MYO1B: variants seen among roughly 807,000 people sequenced by gnomAD.
The protein encoded by MYO1B is myosin IB.
A neutral mutation model predicts 159.7 loss-of-function variants in MYO1B; 72 were observed. The observed-to-expected ratio is 0.45, with a 90% CI of 0.37 to 0.55. The LOEUF (loss-of-function observed/expected upper bound fraction) is 0.55, where lower values mean the gene tolerates loss of function less well. MYO1B is among the 20% of genes least tolerant of loss of function. The probability of loss-of-function intolerance (pLI) is 0.00; values close to 1 mark genes in which losing one functional copy is unlikely to be tolerated. For synonymous variants in MYO1B, 468 were observed against 473.8 expected (o/e 0.99, Z 0.16); for missense variants, 1,062 against 1,364.8 (o/e 0.78, Z 3.50).
intron 30 of MYO1B, among the ~76,000 whole-genome samples, chr2:191,419,515 G>A (rs1485350330): frequency 1.3e-5 from 2 of 152,334 alleles, no homozygotes; most frequent in African/African-American, 4.8e-5. Flanking sequence ...ACCACGCCCG[G>A]CCTATACTGT....
chr2:191,267,230 T>C (rs1687197893), intron 1 of MYO1B, among the ~76,000 whole-genome samples: 1 of 152,228 alleles, frequency 6.6e-6, no homozygotes, highest in Non-Finnish European at 1.5e-5. Flanking sequence ...TTTATCCATT[T>C]GTTTGTTTTC....
chr2:191,260,478 A>G (rs1686745584), intron 1 of MYO1B, among the ~76,000 whole-genome samples: 2 of 151,772 alleles, frequency 1.3e-5, no homozygotes, highest in Admixed American at 6.6e-5. Flanking sequence ...TTAGTAGTCT[A>G]TTGAAATATA....
At chr2:191,302,672 A>C (rs577879640) in intron 3 of MYO1B, among the ~76,000 whole-genome samples, 1 of 152,248 alleles carries the variant, frequency 6.6e-6, no homozygotes, top group Admixed American at 6.5e-5. Context: ...GAGTGAGCTG[A>C]GATGTGTCCT....
intron 1 of MYO1B, among the ~76,000 whole-genome samples, chr2:191,257,614 C>G (rs1309126463): frequency 1.3e-5 from 2 of 152,142 alleles, no homozygotes; most frequent in Non-Finnish European, 1.5e-5. Context: ...AATGGACTTT[C>G]CTGCAAAGTG....
At chr2:191,338,275 C>T (rs866136188) in intron 4 of MYO1B, among the ~76,000 whole-genome samples, 10 of 151,882 alleles carry the variant, frequency 6.6e-5, no homozygotes, top group Admixed American at 6.6e-5. Flanking sequence ...AGTTAAGAAT[C>T]TGAAGATATT....
intron 3 of MYO1B, among the ~76,000 whole-genome samples, chr2:191,318,021 G>A (rs1000042775): frequency 1.3e-5 from 2 of 152,032 alleles, no homozygotes; most frequent in African/African-American, 2.4e-5. Flanking sequence ...GTTTTTTTCT[G>A]AGCATATACC....
chr2:191,363,413 G>A (rs527808004), intron 9 of MYO1B, among the ~76,000 whole-genome samples: 1 of 152,212 alleles, frequency 6.6e-6, no homozygotes, highest in East Asian at 1.9e-4. Context: ...TTTGTTTCTA[G>A]TAGCAAAACC....
intron 3 of MYO1B, among the ~76,000 whole-genome samples, chr2:191,320,533 G>A (rs1690639370): frequency 6.6e-6 from 1 of 152,058 alleles, no homozygotes; most frequent in Admixed American, 6.6e-5. Context: ...GTATGTATGT[G>A]CAAGTATCTG....
intron 24 of MYO1B, among the ~76,000 whole-genome samples, chr2:191,404,027 C>A (rs1262906686): frequency 6.6e-6 from 1 of 152,088 alleles, no homozygotes; most frequent in Non-Finnish European, 1.5e-5. Context: ...CAGTCTCCAA[C>A]AAAACAGAGG....
intron 4 of MYO1B, 133 bp downstream of exon 4, chr2:191,330,162 T>G: frequency 6.1e-6 from 4 of 655,708 alleles, no homozygotes; most frequent in Non-Finnish European, 1.0e-5. Flanking sequence ...AGGAGGATAC[T>G]GGTTAGGAAC....
intron 30 of MYO1B, among the ~76,000 whole-genome samples, chr2:191,418,827 A>G (rs146964552): frequency 0.014 from 2,145 of 152,258 alleles, 23 homozygotes; most frequent in Non-Finnish European, 0.022. Context: ...TAGAAGTGAG[A>G]ATTGAATTCA....
At chr2:191,423,701 C>G in intron 30 of MYO1B, 136 bp from the exon 31 acceptor site, 1 of 835,232 alleles carries the variant, frequency 1.2e-6, no homozygotes, top group Non-Finnish European at 1.7e-6. Flanking sequence ...TTGGAGGTTT[C>G]AGATTTTCGG....
intron 17 of MYO1B, 59 bp from the exon 18 acceptor site, chr2:191,390,233 C>A: frequency 1.4e-6 from 2 of 1,478,864 alleles, no homozygotes; most frequent in Admixed American, 2.1e-5. Flanking sequence ...TTTGTGAAAA[C>A]ATAGACAATT....
intron 2 of MYO1B, among the ~76,000 whole-genome samples, chr2:191,295,448 C>T (rs961117491): frequency 2.0e-5 from 3 of 152,128 alleles, no homozygotes; most frequent in Non-Finnish European, 4.4e-5. Context: ...GTAAATTTGA[C>T]ATTAAATTTA....
At chr2:191,423,720 A>T in intron 30 of MYO1B, 117 bp from the exon 31 acceptor site, 1 of 1,092,484 alleles carries the variant, frequency 9.2e-7, no homozygotes, top group Non-Finnish European at 1.3e-6. Flanking sequence ...GGATTAGGTT[A>T]GGGATGCGCA....
chr2:191,272,299 G>T (rs184411403), intron 1 of MYO1B, among the ~76,000 whole-genome samples: 72 of 152,318 alleles, frequency 4.7e-4, no homozygotes, highest in African/African-American at 1.6e-3. Context: ...TAGATAGAGA[G>T]ACTGCTTTTC....
intron 13 of MYO1B, chr2:191,381,245 C>T: frequency 1.7e-6 from 1 of 588,890 alleles, no homozygotes; most frequent in Non-Finnish European, 3.1e-6. Flanking sequence ...TCAAATATTG[C>T]ATCATTTGTG....
At chr2:191,335,538 G>T (rs1691772787) in intron 4 of MYO1B, among the ~76,000 whole-genome samples, 1 of 152,164 alleles carries the variant, frequency 6.6e-6, no homozygotes, top group South Asian at 2.1e-4. Flanking sequence ...TTGAGCAGAA[G>T]AGGGATGCCA....
chr2:191,380,516 T>C (rs1220339293), intron 13 of MYO1B, among the ~76,000 whole-genome samples: 1 of 152,244 alleles, frequency 6.6e-6, no homozygotes, highest in Non-Finnish European at 1.5e-5. Context: ...AAACAAGTTT[T>C]AGTGTCAGAT....
Sources: allele counts gnomAD v4.1 joint callset (sites outside exome capture counted in the v4.1 genomes callset), GRCh38; gene constraint gnomAD v4.1.1; transcripts MANE v1.5; gene names NCBI Gene and HGNC (gene_info 2026-07-23, HGNC 2026-07-21).